FAM163B: variants seen among roughly 807,000 people sequenced by gnomAD.
The protein encoded by FAM163B is family with sequence similarity 163 member B, also known as protein FAM163B.
FAM163B carries 4 observed loss-of-function variants against 7.6 expected under a neutral mutation model. The ratio of observed to expected loss-of-function variants is 0.52; its 90% CI spans 0.26 to 1.20. The LOEUF (loss-of-function observed/expected upper bound fraction) is 1.20, where lower values mean the gene tolerates loss of function less well. Among genes scored for constraint, FAM163B ranks in the 50% most tolerant of loss-of-function variants. The pLI is 0.14. For synonymous variants in FAM163B, 120 were observed against 111.6 expected (o/e 1.07, Z -0.47); for missense variants, 250 against 243.0 (o/e 1.03, Z -0.19).
At position 133,578,970 on chromosome 9, in the gene FAM163B, C is replaced by T; in HGVS notation, c.*52G>A. ...GGCCAGGTGGGTGTGCCAAAGGAAT[C>T]CCCCCATTGTCTCAGGACCTTCAAG... is the stretch of plus-strand genomic sequence containing the variant. On this transcript the variant is annotated 3_prime_UTR_variant, in exon 3 of 3. Coordinates refer to ENST00000673969, the MANE Select transcript of FAM163B (RefSeq NM_001080515.3). The T allele has an allele frequency of 2.1e-6, 3 of 1,446,770 alleles. No homozygotes were observed. The highest frequency in any genetic ancestry group is 2.7e-6 in the Non-Finnish European group (3 of 1,101,518). The allele number at this position is 1,446,770 out of a possible 1,614,324, so 89.6% of individuals were successfully genotyped here. A position where few individuals can be genotyped will look rare whatever the true frequency, so the allele number is the denominator to read the frequency against.
chr9:133,581,223 T>C (rs1366231567), intron 1 of FAM163B, among the ~76,000 whole-genome samples: 2 of 152,236 alleles, frequency 1.3e-5, no homozygotes, highest in African/African-American at 4.8e-5. Flanking sequence ...TGCTGATTTT[T>C]GTGGTGTAGA....
chr9:133,582,970 C>T (rs1416189922), intron 1 of FAM163B, among the ~76,000 whole-genome samples: 2 of 152,196 alleles, frequency 1.3e-5, no homozygotes, highest in Non-Finnish European at 2.9e-5. Context: ...GTGCCGATCC[C>T]TCCCCGACAC....
rs376057717 is a variant in FAM163B, at chr9:133,577,462, C to T, written c.*1560G>A. Among the ~76,000 whole-genome samples, 4 of 152,236 alleles carry T rather than the reference C, an allele frequency of 2.6e-5. No homozygotes were observed. The highest frequency in any genetic ancestry group is 4.8e-5 in the African/African-American group (2 of 41,468). ...AGGAGGAAAACAATTGAGAACATAA[C>T]GATTGTGACTTCGTCAGCCGTTCCC... On this transcript the variant is annotated 3_prime_UTR_variant, in exon 3 of 3. Coordinates refer to ENST00000673969, the MANE Select transcript of FAM163B (RefSeq NM_001080515.3).
intron 1 of FAM163B, among the ~76,000 whole-genome samples, chr9:133,603,016 C>A (rs1831748490): frequency 6.6e-6 from 1 of 152,140 alleles, no homozygotes; most frequent in Non-Finnish European, 1.5e-5. Flanking sequence ...GGAGGGGGGG[C>A]CAGCCCAAGA....
At chr9:133,605,307 G>A (rs990655786) in intron 1 of FAM163B, among the ~76,000 whole-genome samples, 1 of 152,188 alleles carries the variant, frequency 6.6e-6, no homozygotes, top group Admixed American at 6.5e-5. Flanking sequence ...GGGACGCATA[G>A]CTTGGATGGA....
intron 1 of FAM163B, among the ~76,000 whole-genome samples, chr9:133,596,383 G>C (rs1831633362): frequency 6.7e-6 from 1 of 149,068 alleles, no homozygotes. Flanking sequence ...GATGACAGTA[G>C]AAGTCTCCCC....
intron 1 of FAM163B, among the ~76,000 whole-genome samples, chr9:133,587,625 G>A (rs1831460466): frequency 6.6e-6 from 1 of 152,168 alleles, no homozygotes; most frequent in Non-Finnish European, 1.5e-5. Context: ...GCGGAGCTGA[G>A]ATAGCCCCCA....
Position 133,579,156 on chromosome 9 carries a change from A to G in FAM163B, c.367T>C (p.Tyr123His), listed in dbSNP as rs1472869050. The stretch of plus-strand genomic sequence containing the variant: ...ACGTCCTCCTGGCTCACGCTCTTGT[A>G]GAGCACGCGCTCCCCGCCGTTCAGC... Reference protein sequence around the residue: ...DVLNGGERVLYKSVSQEDVEL... With the variant: ...DVLNGGERVLHKSVSQEDVEL... The change falls in exon 3 of 3, where the codon TAC becomes CAC. Residue 123 changes from tyrosine (Y) to histidine (H), a missense_variant. By Grantham distance (83) the Tyr-to-His change is moderately conservative. Coordinates refer to ENST00000673969, the MANE Select transcript of FAM163B (RefSeq NM_001080515.3). The G allele has an allele frequency of 3.1e-6, 5 of 1,610,554 alleles. No homozygotes were observed. Among genetic ancestry groups the G allele is most frequent in the Non-Finnish European group, 4.2e-6 (5 of 1,179,820 alleles).
chr9:133,590,630 T>G (rs934347044), intron 1 of FAM163B, among the ~76,000 whole-genome samples: 4 of 152,344 alleles, frequency 2.6e-5, no homozygotes, highest in South Asian at 4.1e-4. Flanking sequence ...AAGCCCTCGC[T>G]GACTCAGCCT....
chr9:133,591,415 G>C (rs536708814), intron 1 of FAM163B, among the ~76,000 whole-genome samples: 15 of 152,178 alleles, frequency 9.9e-5, no homozygotes, highest in Non-Finnish European at 1.8e-4. Context: ...ACATTTTCCT[G>C]TTGGGGCCGT....
At chr9:133,582,743 C>T (rs1831374890) in intron 1 of FAM163B, among the ~76,000 whole-genome samples, 1 of 152,224 alleles carries the variant, frequency 6.6e-6, no homozygotes, top group African/African-American at 2.4e-5. Flanking sequence ...GGCCAGCCGG[C>T]CTCTCTCCTG....
chr9:133,579,405 A>T lies in FAM163B; in HGVS notation c.118T>A (p.Ser40Thr). 1 of 1,606,180 alleles carries T rather than the reference A, an allele frequency of 6.2e-7. No individual in the cohort carries two copies. The highest frequency in any genetic ancestry group is 8.5e-7 in the Non-Finnish European group (1 of 1,177,114). ...TCTGGTTCCTCCTCGTCCTCCTCCG[A>T]CTCGTCCTTCTTGCAGCAGTAGTAC... ...LQYYCCKKDESEEDEEEPDFA... is the reference protein window; with the variant it reads ...LQYYCCKKDETEEDEEEPDFA... The change falls in exon 3 of 3, where the codon TCG becomes ACG. Residue 40 changes from serine (S) to threonine (T), a missense_variant. Transcript: ENST00000673969.
rs111968949 is a variant in FAM163B at position 133,597,743 on chromosome 9, G to C, written c.-24+11334C>G. 1.8e-4 allele frequency among the ~76,000 whole-genome samples: 27 copies of C among 152,198 alleles called. 1 individual carries two copies. Among genetic ancestry groups the C allele is most frequent in the African/African-American group, 6.5e-4 (27 of 41,494 alleles). The stretch of plus-strand genomic sequence containing the variant: ...GAAAAATCTAAACACAGAGCCAAGG[G>C]CTGCATGACCTACAAGGGCTCGAAG... On this transcript the variant is annotated intron_variant, in intron 1 of 2. Coordinates refer to ENST00000673969, the MANE Select transcript of FAM163B (RefSeq NM_001080515.3).
At chr9:133,584,860 C>T (rs1212796427) in intron 1 of FAM163B, among the ~76,000 whole-genome samples, 1 of 152,260 alleles carries the variant, frequency 6.6e-6, no homozygotes, top group Non-Finnish European at 1.5e-5. Flanking sequence ...CTGCTTGTGA[C>T]TCGAGCCCCA....
At chr9:133,605,509 AC>A (rs200885425) in intron 1 of FAM163B, among the ~76,000 whole-genome samples, 6,909 of 152,210 alleles carry the variant, frequency 0.045, 204 homozygotes, top group Non-Finnish European at 0.055. Context: ...CACCTCTGCC[AC>A]CTGGGAAAAC....
intron 1 of FAM163B, among the ~76,000 whole-genome samples, chr9:133,591,484 C>G (rs1249128075): frequency 6.6e-6 from 1 of 152,166 alleles, no homozygotes; most frequent in Non-Finnish European, 1.5e-5. Flanking sequence ...GGGACCCTGC[C>G]TGGCCTTCTC....
chr9:133,604,084 C>T (rs112090680), intron 1 of FAM163B, among the ~76,000 whole-genome samples: 43 of 152,316 alleles, frequency 2.8e-4, no homozygotes, highest in African/African-American at 9.9e-4. Context: ...TCAAGTAATC[C>T]GCCTGCCTTA....
intron 1 of FAM163B, among the ~76,000 whole-genome samples, chr9:133,594,348 T>C (rs913042850): frequency 6.6e-6 from 1 of 152,194 alleles, no homozygotes; most frequent in Non-Finnish European, 1.5e-5. Flanking sequence ...TTTAGACTTG[T>C]CTGGGTAAGA....
intron 1 of FAM163B, among the ~76,000 whole-genome samples, chr9:133,595,334 C>T (rs541291953): frequency 2.6e-5 from 4 of 152,278 alleles, no homozygotes; most frequent in African/African-American, 7.2e-5. Flanking sequence ...TTAGTAGAGA[C>T]GAGGTTTTGC....
Sources: allele counts gnomAD v4.1 joint callset (sites outside exome capture counted in the v4.1 genomes callset), GRCh38; gene constraint gnomAD v4.1.1; transcripts MANE v1.5; gene names NCBI Gene and HGNC (gene_info 2026-07-23, HGNC 2026-07-21).